The following LINGO2 variants were observed in gnomAD, a reference collection of about 807,000 sequenced individuals.
LINGO2 encodes leucine rich repeat and Ig domain containing 2.
Under a neutral mutation model 30.6 loss-of-function variants are expected in LINGO2, and 14 were observed. The observed-to-expected ratio is 0.46, with a 90% CI of 0.30 to 0.72. The LOEUF is 0.72. Among genes scored for constraint, LINGO2 ranks in the 30% least tolerant of loss-of-function variants. LINGO2 has a pLI of 0.07. For missense variants in LINGO2, 729 were observed against 751.7 expected (o/e 0.97, Z 0.35); for synonymous variants, 317 against 288.5 (o/e 1.10, Z -1.00).
At chr9:28,302,518 A>G (rs1380301818) in intron 3 of LINGO2, among the ~76,000 whole-genome samples, 1 of 152,124 alleles carries the variant, frequency 6.6e-6, no homozygotes, top group African/African-American at 2.4e-5. Flanking sequence ...CTCCCTACAA[A>G]AAAGTAGCTA....
rs114086989 is a variant in LINGO2 at position 28,604,921 on chromosome 9, A to G, written c.-365+65279T>C. 4.7e-3 allele frequency among the ~76,000 whole-genome samples: 708 copies of G among 152,170 alleles called. 10 individuals are homozygous for G. The highest frequency in any genetic ancestry group is 0.016 in the African/African-American group (667 of 41,564). On this transcript the variant is annotated intron_variant, in intron 1 of 5. Coordinates refer to ENST00000379992, the Ensembl canonical transcript of LINGO2. Reference sequence around the variant, plus strand: ...CACTGTGCTAAGTACTCTTGCAAACATGCAGGTAAGCACTATTTTTATTTG... The same window carrying G: ...CACTGTGCTAAGTACTCTTGCAAACGTGCAGGTAAGCACTATTTTTATTTG...
In LINGO2 at chr9:28,150,530, G is replaced by T. The variant is rs138779787; in HGVS notation, c.-86-138125C>A. Among the ~76,000 whole-genome samples, 1,596 of 152,250 alleles carry T rather than the reference G, an allele frequency of 0.01. 88 individuals are homozygous for T. In the East Asian group the frequency reaches 0.19, roughly 18 times the overall value. ...ACCCGGGAGGTGGAGGTTGCAGTGA[G>T]CCGAGATCGCACCACTGCACTCCAG... On this transcript the variant is annotated intron_variant, in intron 4 of 5. Transcript: ENST00000379992.
intron 2 of LINGO2, among the ~76,000 whole-genome samples, chr9:28,426,718 G>A (rs1823428898): frequency 1.3e-5 from 2 of 152,070 alleles, no homozygotes; most frequent in South Asian, 4.1e-4. Flanking sequence ...AGAGGATGGA[G>A]CTCAATAGAT....
the LINGO2 span, among the ~76,000 whole-genome samples, chr9:28,995,698 T>C: frequency 6.6e-6 from 1 of 152,056 alleles, no homozygotes; most frequent in African/African-American, 2.4e-5. Flanking sequence ...CCATAAAAAA[T>C]GATGAGTTCA....
chr9:28,726,172 T>A, the LINGO2 span, among the ~76,000 whole-genome samples: 14 of 152,156 alleles, frequency 9.2e-5, no homozygotes, highest in Non-Finnish European at 1.6e-4. Flanking sequence ...GTGTTCCTTT[T>A]TCATTTATTT....
intron 1 of LINGO2, among the ~76,000 whole-genome samples, chr9:28,555,248 A>AG: frequency 7.0e-6 from 1 of 142,502 alleles, no homozygotes; most frequent in East Asian, 2.0e-4. Flanking sequence ...ATAGACCGCT[A>AG]GCAAGACTAA....
At chr9:28,207,603 C>G (rs1202906395) in intron 4 of LINGO2, among the ~76,000 whole-genome samples, 1 of 152,050 alleles carries the variant, frequency 6.6e-6, no homozygotes, top group Non-Finnish European at 1.5e-5. Context: ...CCCCTCCATT[C>G]TAAATAATCT....
chr9:28,015,998 CA>C (rs35234256), intron 4 of LINGO2, among the ~76,000 whole-genome samples: 5,361 of 122,392 alleles, frequency 0.044, 152 homozygotes, highest in East Asian at 0.086. Flanking sequence ...GTAAAAGGGA[CA>C]AAAAAAAAAA....
chr9:28,481,926 A>T (rs1057022352), intron 1 of LINGO2, among the ~76,000 whole-genome samples: 6 of 152,116 alleles, frequency 3.9e-5, no homozygotes, highest in African/African-American at 1.2e-4. Context: ...TTCCAATTTC[A>T]TCCATGTCCC....
chr9:28,063,545 C>A (rs181755634), intron 4 of LINGO2, among the ~76,000 whole-genome samples: 1 of 151,874 alleles, frequency 6.6e-6, no homozygotes, highest in Non-Finnish European at 1.5e-5. Context: ...ACTCTTATCC[C>A]CATTTTAAAG....
intron 1 of LINGO2, among the ~76,000 whole-genome samples, chr9:28,583,589 G>A (rs954403201): frequency 6.6e-6 from 1 of 151,886 alleles, no homozygotes; most frequent in Non-Finnish European, 1.5e-5. Flanking sequence ...TCAAATTGAA[G>A]TTAATAAAGA....
the LINGO2 span, among the ~76,000 whole-genome samples, chr9:29,006,554 A>G: frequency 6.6e-6 from 1 of 152,032 alleles, no homozygotes; most frequent in Non-Finnish European, 1.5e-5. Flanking sequence ...TAAAAGGGGA[A>G]AAATATTTGG....
At chr9:28,757,381 T>C in the LINGO2 span, among the ~76,000 whole-genome samples, 2 of 152,006 alleles carry the variant, frequency 1.3e-5, no homozygotes, top group Non-Finnish European at 1.5e-5. Flanking sequence ...AATGAGACTT[T>C]TATATCACAA....
At chr9:28,907,856 G>A in the LINGO2 span, among the ~76,000 whole-genome samples, 2 of 151,572 alleles carry the variant, frequency 1.3e-5, no homozygotes, top group African/African-American at 4.8e-5. Context: ...CGAGATGACT[G>A]TAGAACTTCT....
Position 28,662,166 on chromosome 9 carries a change from A to T in LINGO2, c.-365+8034T>A, listed in dbSNP as rs78074852. On this transcript the variant is annotated intron_variant, in intron 1 of 5. Coordinates refer to ENST00000379992, the Ensembl canonical transcript of LINGO2. ...GGAACATGCACTCAGAGTCATAAAA[A>T]GATTCCAAGGATGCTAGGTGTCACA... is the stretch of plus-strand genomic sequence containing the variant. 9.4e-3 allele frequency among the ~76,000 whole-genome samples: 1,431 copies of T among 152,270 alleles called. 30 individuals carry two copies. Among genetic ancestry groups the T allele is most frequent in the East Asian group, 0.081 (420 of 5,174 alleles).
chr9:28,964,587 G>A, the LINGO2 span, among the ~76,000 whole-genome samples: 2 of 151,922 alleles, frequency 1.3e-5, no homozygotes, highest in Non-Finnish European at 2.9e-5. Context: ...CAAACAAGGA[G>A]TGACATAGTC....
At chr9:28,504,541 T>C (rs995734556) in intron 1 of LINGO2, among the ~76,000 whole-genome samples, 4 of 151,854 alleles carry the variant, frequency 2.6e-5, no homozygotes, top group African/African-American at 9.7e-5. Flanking sequence ...CATGATTGTT[T>C]AAAATGTTCT....
At position 28,415,676 on chromosome 9, in the gene LINGO2, A is replaced by G. The variant is rs572996486; in HGVS notation, c.-278-42808T>C. 1.4e-3 allele frequency among the ~76,000 whole-genome samples: 219 copies of G among 152,290 alleles called. 1 individual carries two copies. The highest frequency in any genetic ancestry group is 5.1e-3 in the African/African-American group (214 of 41,580). On this transcript the variant is annotated intron_variant, in intron 2 of 5. Transcript: ENST00000379992. ...CTCACAACCTTAGCTAAGGGAGGCC[A>G]TGCTGTATCTTGTAACACTTTCTAT...
chr9:28,698,086 A>AT, the LINGO2 span, among the ~76,000 whole-genome samples: 1 of 152,078 alleles, frequency 6.6e-6, no homozygotes. Flanking sequence ...ATAAGCTGAT[A>AT]TTGGCAATCC....
Sources: allele counts gnomAD v4.1 joint callset (sites outside exome capture counted in the v4.1 genomes callset), GRCh38; gene constraint gnomAD v4.1.1; transcripts MANE v1.5; gene names NCBI Gene and HGNC (gene_info 2026-07-23, HGNC 2026-07-21).